SCAF8: variants seen among roughly 807,000 people sequenced by gnomAD.
The protein encoded by SCAF8 is SR-related CTD associated factor 8.
Under a neutral mutation model 140.5 loss-of-function variants are expected in SCAF8, and 23 were observed. That is an observed-to-expected ratio of 0.16 (90% CI 0.12 to 0.23). The LOEUF (loss-of-function observed/expected upper bound fraction) is 0.23. SCAF8 is among the 10% of genes least tolerant of loss of function. SCAF8 has a pLI of 1.00. For synonymous variants in SCAF8, 575 were observed against 528.9 expected (o/e 1.09, Z -1.20); for missense variants, 1,397 against 1,555.7 (o/e 0.90, Z 1.72).
chr6:154,831,791 T>C (rs1165825256), intron 19 of SCAF8, 148 bp from the exon 20 acceptor site: 10 of 459,224 alleles, frequency 2.2e-5, no homozygotes, highest in Admixed American at 3.8e-5. Flanking sequence ...ATCAGTATAA[T>C]ACCTGACATT....
intron 12 of SCAF8, among the ~76,000 whole-genome samples, chr6:154,814,949 A>C (rs1261803674): frequency 1.3e-5 from 2 of 152,180 alleles, no homozygotes; most frequent in Non-Finnish European, 2.9e-5. Context: ...TTTTAGATTT[A>C]TCTCTTGATT....
At chr6:154,767,172 T>G (rs930269445) in intron 1 of SCAF8, among the ~76,000 whole-genome samples, 24 of 152,178 alleles carry the variant, frequency 1.6e-4, no homozygotes, top group Non-Finnish European at 2.5e-4. Flanking sequence ...GCCCAGGCCT[T>G]CCTTCTGTGC....
At chr6:154,782,389 A>T (rs926751677) in intron 3 of SCAF8, among the ~76,000 whole-genome samples, 2 of 152,172 alleles carry the variant, frequency 1.3e-5, no homozygotes, top group Non-Finnish European at 2.9e-5. Context: ...ACTGCACTCT[A>T]GCTTGGGCAA....
intron 1 of SCAF8, among the ~76,000 whole-genome samples, chr6:154,745,436 T>G (rs1778674941): frequency 6.6e-6 from 1 of 152,176 alleles, no homozygotes; most frequent in Non-Finnish European, 1.5e-5. Flanking sequence ...TGCAGTGGTG[T>G]GATCATGGCT....
At chr6:154,775,152 T>A (rs758237874) in intron 2 of SCAF8, among the ~76,000 whole-genome samples, 1 of 152,194 alleles carries the variant, frequency 6.6e-6, no homozygotes, top group Non-Finnish European at 1.5e-5. Context: ...ATTCGTTGAT[T>A]TTGCAGTTTT....
intron 18 of SCAF8, among the ~76,000 whole-genome samples, chr6:154,829,925 A>C (rs1287737816): frequency 6.6e-6 from 1 of 152,126 alleles, no homozygotes; most frequent in African/African-American, 2.4e-5. Flanking sequence ...ATAGGTTTAA[A>C]AGTCTTTCTT....
intron 2 of SCAF8, among the ~76,000 whole-genome samples, 157 bp downstream of exon 2, chr6:154,774,229 G>A (rs1776854659): frequency 6.6e-6 from 1 of 152,198 alleles, no homozygotes; most frequent in East Asian, 1.9e-4. Flanking sequence ...GTCACCTGTA[G>A]ACTCTCCCAC....
At chr6:154,815,102 C>A (rs1276678695) in intron 12 of SCAF8, among the ~76,000 whole-genome samples, 1 of 152,062 alleles carries the variant, frequency 6.6e-6, no homozygotes, top group East Asian at 1.9e-4. Context: ...TCGAGACCAT[C>A]CTGGCTAACA....
intron 1 of SCAF8, among the ~76,000 whole-genome samples, chr6:154,751,403 T>C (rs1434828318): frequency 6.6e-6 from 1 of 152,054 alleles, no homozygotes; most frequent in Non-Finnish European, 1.5e-5. Flanking sequence ...TAATTTTGTA[T>C]TTTTTTGTTG....
chr6:154,822,625 T>G (rs1265533845), intron 16 of SCAF8, among the ~76,000 whole-genome samples: 3 of 152,200 alleles, frequency 2.0e-5, no homozygotes, highest in Non-Finnish European at 2.9e-5. Flanking sequence ...AAAATAAAGG[T>G]AAATATGGAA....
chr6:154,826,222 A>G (rs1052713889), intron 17 of SCAF8, among the ~76,000 whole-genome samples: 2 of 152,168 alleles, frequency 1.3e-5, no homozygotes, highest in African/African-American at 2.4e-5. Flanking sequence ...TGTGATTTCA[A>G]AATTAAATAT....
At chr6:154,813,295 C>T (rs567214526) in intron 12 of SCAF8, among the ~76,000 whole-genome samples, 7 of 152,100 alleles carry the variant, frequency 4.6e-5, no homozygotes, top group Non-Finnish European at 8.8e-5. Flanking sequence ...AAGGCCAAGG[C>T]GGGAGGATTG....
At chr6:154,766,163 C>T (rs1452945562) in intron 1 of SCAF8, among the ~76,000 whole-genome samples, 1 of 151,990 alleles carries the variant, frequency 6.6e-6, no homozygotes, top group Non-Finnish European at 1.5e-5. Context: ...AATCTTTACC[C>T]TTGTCTTCAT....
In SCAF8 at chr6:154,832,029, G is replaced by C; in HGVS notation, c.2450G>C (p.Arg817Thr). Reference sequence around the variant, plus strand: ...AATTCTGGAATTCTGGGAGTCCAAAGACCAAATGTATCAAGTAATTCTGAA... The same window carrying C: ...AATTCTGGAATTCTGGGAGTCCAAACACCAAATGTATCAAGTAATTCTGAA... ...TSNSGILGVQ[R>T]PNVSSNSEIL... The change falls in exon 20 of 20, where the codon AGA (arginine) becomes ACA (threonine). Residue 817 changes from arginine (R) to threonine (T), a missense_variant. Physicochemically the swap from Arg to Thr is moderately conservative, Grantham distance 71. This residue lies in a region of SCAF8 where 930 missense variants were observed against 874.6 expected (regional missense o/e 1.06). Coordinates refer to ENST00000367178, the MANE Select transcript of SCAF8 (RefSeq NM_014892.5). The C allele has an allele frequency of 6.2e-7, 1 of 1,613,976 alleles. No homozygotes were observed. The highest frequency in any genetic ancestry group is 8.5e-7 in the Non-Finnish European group (1 of 1,179,962).
intron 12 of SCAF8, among the ~76,000 whole-genome samples, chr6:154,811,195 A>C (rs1335468612): frequency 6.6e-6 from 1 of 152,180 alleles, no homozygotes; most frequent in Non-Finnish European, 1.5e-5. Context: ...ACATCTAAAC[A>C]TTTTAGTGCT....
At chr6:154,822,123 G>A in intron 15 of SCAF8, 153 bp from the exon 16 acceptor site, 1 of 648,862 alleles carries the variant, frequency 1.5e-6, no homozygotes, top group South Asian at 3.2e-5. Context: ...GATTAATCTG[G>A]GCAGAAATCT....
rs745319807 is a variant in SCAF8, at chr6:154,805,454, C to A, written c.949C>A (p.Gln317Lys). 9.9e-6 allele frequency: 16 copies of A among 1,610,020 alleles called. No homozygotes were observed. The Admixed American group carries it at 2.7e-4, about 27-fold the overall frequency. ...LQQQNLEHLR[Q>K]QLLEQQQPQK... ...ACAGCAAAACCTAGAACATCTCAGA[C>A]AGCAGCTCTTGGAGCAGCAACAGCC... Residue 317 changes from glutamine (Q) to lysine (K), a missense_variant, in exon 9 of 20, where the codon CAG becomes AAG. Gln to Lys is a moderately conservative substitution (Grantham distance 53). Transcript: ENST00000367178.
intron 1 of SCAF8, among the ~76,000 whole-genome samples, chr6:154,761,300 A>C (rs1286217544): frequency 6.6e-6 from 1 of 152,184 alleles, no homozygotes; most frequent in East Asian, 1.9e-4. Flanking sequence ...CGCCTGGGCA[A>C]CATGGTGAAA....
chr6:154,744,878 G>A (rs1329664063), intron 1 of SCAF8, among the ~76,000 whole-genome samples: 1 of 152,076 alleles, frequency 6.6e-6, no homozygotes, highest in Non-Finnish European at 1.5e-5. Context: ...ACATACAAAT[G>A]AACACATAAT....
Sources: allele counts gnomAD v4.1 joint callset (sites outside exome capture counted in the v4.1 genomes callset), GRCh38; gene constraint gnomAD v4.1.1; regional missense constraint gnomAD v4.1.1; transcripts MANE v1.5; gene names NCBI Gene and HGNC (gene_info 2026-07-23, HGNC 2026-07-21).